The following CASQ2 variants were observed in gnomAD, a reference collection of about 807,000 sequenced individuals.
The protein encoded by CASQ2 is calsequestrin 2.
Under a neutral mutation model 46.5 loss-of-function variants are expected in CASQ2, and 49 were observed. That is an observed-to-expected ratio of 1.05 (90% CI 0.84 to 1.34). CASQ2 has a LOEUF of 1.34. Ranked by LOEUF, CASQ2 falls within the 40% of genes most tolerant of loss-of-function variation. The pLI is 0.00. For synonymous variants in CASQ2, 174 were observed against 168.5 expected (o/e 1.03, Z -0.25); for missense variants, 486 against 481.3 (o/e 1.01, Z -0.09).
intron 1 of CASQ2, among the ~76,000 whole-genome samples, chr1:115,753,387 C>A (rs76508425): frequency 0.01 from 1,547 of 152,138 alleles, 29 homozygotes; most frequent in African/African-American, 0.036. Flanking sequence ...CACAAAGGAG[C>A]GGGTGGTCAT....
chr1:115,738,437 T>C (rs1648041096), intron 3 of CASQ2, 102 bp from the exon 4 acceptor site: 5 of 807,570 alleles, frequency 6.2e-6, no homozygotes, highest in Non-Finnish European at 2.2e-6. Context: ...GACTTTGTGG[T>C]TGGTGCCTCA....
chr1:115,761,970 G>T (rs988459521), intron 1 of CASQ2, among the ~76,000 whole-genome samples: 1 of 152,186 alleles, frequency 6.6e-6, no homozygotes, highest in Non-Finnish European at 1.5e-5. Flanking sequence ...CCCTGGACAG[G>T]CACTGTGTGG....
At chr1:115,717,215 A>G (rs1654728334) in intron 8 of CASQ2, among the ~76,000 whole-genome samples, 1 of 152,226 alleles carries the variant, frequency 6.6e-6, no homozygotes, top group Non-Finnish European at 1.5e-5. Context: ...TTTTCTTTAT[A>G]AATTACCCTG....
At chr1:115,704,644 G>A (rs908997505) in intron 9 of CASQ2, among the ~76,000 whole-genome samples, 9 of 151,954 alleles carry the variant, frequency 5.9e-5, no homozygotes, top group African/African-American at 1.9e-4. Context: ...CAAAAGTTTC[G>A]GGCCATTGAT....
chr1:115,752,463 G>A (rs142227480), intron 1 of CASQ2, among the ~76,000 whole-genome samples: 1 of 152,212 alleles, frequency 6.6e-6, no homozygotes, highest in Non-Finnish European at 1.5e-5. Flanking sequence ...GTAAATGAAT[G>A]AATGAAGAGG....
intron 1 of CASQ2, among the ~76,000 whole-genome samples, chr1:115,745,528 G>C (rs1428076976): frequency 1.3e-5 from 2 of 152,126 alleles, no homozygotes; most frequent in Non-Finnish European, 2.9e-5. Context: ...TAGATGGACA[G>C]ATAGCTGAAA....
intron 10 of CASQ2, 43 bp downstream of exon 10, chr1:115,702,878 C>T (rs751271660): frequency 2.8e-6 from 4 of 1,437,230 alleles, no homozygotes; most frequent in South Asian, 1.2e-5. Flanking sequence ...GAAGACAGGG[C>T]AGGCCAAGGG....
At chr1:115,740,186 T>TTATC (rs1648129525) in intron 3 of CASQ2, among the ~76,000 whole-genome samples, 1 of 152,242 alleles carries the variant, frequency 6.6e-6, no homozygotes, top group Non-Finnish European at 1.5e-5. Flanking sequence ...AAGTGTGAGT[T>TTATC]TATCTATGGA....
rs868372270 is a variant in CASQ2 at position 115,725,197 on chromosome 1, G to A, written c.783+311C>T. ...TCCTCCTGCCTCAGCCTCCCAAGTA[G>A]CTGGAACTCCAGGCACATGCGACCA... On this transcript the variant is annotated intron_variant, in intron 7 of 10. Coordinates refer to ENST00000261448, the MANE Select transcript of CASQ2 (RefSeq NM_001232.4). Among the ~76,000 whole-genome samples the A allele has an allele frequency of 1.9e-4, 29 of 152,054 alleles. 1 individual carries two copies. Among genetic ancestry groups the A allele is most frequent in the Middle Eastern group, 6.3e-3 (2 of 316 alleles).
At chr1:115,708,243 TTGTGTCTA>T (rs1300348211) in intron 8 of CASQ2, among the ~76,000 whole-genome samples, 1 of 152,184 alleles carries the variant, frequency 6.6e-6, no homozygotes, top group Non-Finnish European at 1.5e-5. Flanking sequence ...AGAATATTCT[TTGTGTCTA>T]TGGAGAAGCA....
chr1:115,723,140 G>A (rs1249529955), intron 7 of CASQ2, among the ~76,000 whole-genome samples: 1 of 152,170 alleles, frequency 6.6e-6, no homozygotes, highest in Admixed American at 6.5e-5. Context: ...AGGAAAAAGA[G>A]ACGTTTTTCT....
rs979060234 is a variant in CASQ2 at position 115,763,027 on chromosome 1, G to A, written c.234+5281C>T. Among the ~76,000 whole-genome samples the A allele has an allele frequency of 3.9e-5, 6 of 152,190 alleles. No homozygotes were observed. In the South Asian group the frequency reaches 1.0e-3, roughly 26 times the overall value. ...TAGTTGTGTTTTTGAGTCGCAAGCA[G>A]TTTCTTGATCCTTGCCCAATGTGAA... On this transcript the variant is annotated intron_variant, in intron 1 of 10. Coordinates refer to ENST00000261448, the MANE Select transcript of CASQ2 (RefSeq NM_001232.4).
At chr1:115,745,177 C>T (rs1648344602) in intron 1 of CASQ2, among the ~76,000 whole-genome samples, 1 of 152,104 alleles carries the variant, frequency 6.6e-6, no homozygotes, top group Non-Finnish European at 1.5e-5. Context: ...CTGTCACATA[C>T]CAGTTTCTGC....
chr1:115,746,423 G>C (rs1356544084), intron 1 of CASQ2, among the ~76,000 whole-genome samples: 6 of 152,190 alleles, frequency 3.9e-5, no homozygotes, highest in Non-Finnish European at 1.5e-5. Context: ...TTTCAGTGTA[G>C]CTGTATTGTC....
intron 8 of CASQ2, among the ~76,000 whole-genome samples, chr1:115,713,040 C>T (rs911474121): frequency 6.6e-6 from 1 of 152,024 alleles, no homozygotes; most frequent in African/African-American, 2.4e-5. Context: ...CCTTCCAGGG[C>T]CTGTCACTAA....
Position 115,768,329 on chromosome 1 carries a change from T to C in CASQ2, c.213A>G (p.Gln71=), listed in dbSNP as rs749547074. ...SSDKVTQKQF[Q]LKEIVLELVA... ...TTACCTCAAGCACGATTTCTTTCAG[T>C]TGGAACTGTTTTTGCGTGACCTTAT... The change falls in exon 1 of 11, where the codon CAA becomes CAG. Residue 71 remains glutamine (Q), a synonymous_variant. Coordinates refer to ENST00000261448, the MANE Select transcript of CASQ2 (RefSeq NM_001232.4). 23 of 1,613,024 alleles carry C rather than the reference T, an allele frequency of 1.4e-5. No homozygotes were observed. The highest frequency in any genetic ancestry group is 1.6e-4 in the Middle Eastern group (1 of 6,062).
intron 1 of CASQ2, among the ~76,000 whole-genome samples, chr1:115,766,344 TCA>T (rs1649132778): frequency 6.6e-6 from 1 of 152,226 alleles, no homozygotes; most frequent in African/African-American, 2.4e-5. Flanking sequence ...CCTCTCTGCT[TCA>T]GTTTCCACAT....
chr1:115,733,659 G>A (rs893652932), intron 4 of CASQ2, among the ~76,000 whole-genome samples: 1 of 152,156 alleles, frequency 6.6e-6, no homozygotes, highest in African/African-American at 2.4e-5. Flanking sequence ...CACCTGGGGA[G>A]TTACTTGGGA....
intron 1 of CASQ2, among the ~76,000 whole-genome samples, chr1:115,752,048 T>G (rs1217515771): frequency 2.0e-5 from 3 of 152,208 alleles, no homozygotes; most frequent in Non-Finnish European, 4.4e-5. Context: ...CAGGGACGCC[T>G]TGTTCTAATT....
Sources: gnomAD v4.1 joint callset for allele counts (sites outside exome capture counted in the v4.1 genomes callset) on GRCh38, gnomAD v4.1.1 for gene constraint, MANE v1.5 for transcripts, NCBI Gene and HGNC (gene_info 2026-07-23, HGNC 2026-07-21) for gene names.